Variants in TACC2 observed in about 807,000 individuals in gnomAD.
TACC2 encodes transforming acidic coiled-coil containing protein 2, also known as transforming acidic coiled-coil-containing protein 2.
TACC2 carries 137 observed loss-of-function variants against 227.3 expected under a neutral mutation model. That is an observed-to-expected ratio of 0.60 (90% confidence interval 0.52 to 0.69). The LOEUF (loss-of-function observed/expected upper bound fraction) is 0.69. TACC2 is among the 30% of genes least tolerant of loss of function. The probability of loss-of-function intolerance (pLI) is 0.00; values close to 1 mark genes in which losing one functional copy is unlikely to be tolerated. For synonymous variants in TACC2, 1,523 were observed against 1,487.5 expected, an observed-to-expected ratio of 1.02 and a Z score of -0.55; for missense variants, 3,470 against 3,694.4, an observed-to-expected ratio of 0.94 and a Z score of 1.57.
intron 2 of TACC2, among the ~76,000 whole-genome samples, chr10:122,035,246 G>A (rs907741301): frequency 3.9e-5 from 6 of 152,134 alleles, no homozygotes; most frequent in African/African-American, 1.4e-4. Flanking sequence ...GTTTTTTATT[G>A]GCTTGGTGGA....
At chr10:122,201,691 G>A (rs964513121) in intron 8 of TACC2, among the ~76,000 whole-genome samples, 32 of 152,212 alleles carry the variant, frequency 2.1e-4, no homozygotes, top group African/African-American at 6.3e-4. Flanking sequence ...TGGGATGCTC[G>A]GGGCTCTCAC....
At chr10:122,102,323 C>T (rs2082265254) in intron 5 of TACC2, among the ~76,000 whole-genome samples, 1 of 152,170 alleles carries the variant, frequency 6.6e-6, no homozygotes, top group Non-Finnish European at 1.5e-5. Context: ...GAACAGCTGG[C>T]CTAAGGCCTG....
chr10:122,100,291 G>T (rs544124314), intron 5 of TACC2, among the ~76,000 whole-genome samples: 41 of 151,518 alleles, frequency 2.7e-4, no homozygotes, highest in African/African-American at 9.9e-4. Context: ...AACTCTCTTT[G>T]CATTCTGCAT....
At chr10:122,161,715 T>C (rs1040743607) in intron 7 of TACC2, among the ~76,000 whole-genome samples, 1 of 152,178 alleles carries the variant, frequency 6.6e-6, no homozygotes, top group Non-Finnish European at 1.5e-5. Context: ...GGCAGATGAG[T>C]TCTAATTGTG....
At chr10:122,072,323 G>A (rs1482839599) in intron 3 of TACC2, among the ~76,000 whole-genome samples, 3 of 152,134 alleles carry the variant, frequency 2.0e-5, no homozygotes, top group East Asian at 1.9e-4. Flanking sequence ...CAAGCATCAC[G>A]TACTTGTTTT....
intron 1 of TACC2, among the ~76,000 whole-genome samples, chr10:122,000,360 C>A (rs755450113): frequency 1.4e-4 from 21 of 152,060 alleles, no homozygotes; most frequent in Non-Finnish European, 2.9e-4. Flanking sequence ...GCCTGGGCGA[C>A]AGAATGAGGC....
chr10:122,245,635 G>C (rs2096093969), intron 19 of TACC2, among the ~76,000 whole-genome samples: 1 of 152,116 alleles, frequency 6.6e-6, no homozygotes, highest in Non-Finnish European at 1.5e-5. Context: ...CAGGTTGTTG[G>C]CGATTCTATG....
At position 122,205,899 on chromosome 10, in the gene TACC2, C is replaced by A. The variant is rs2095088613; in HGVS notation, c.5972-4498C>A. The stretch of plus-strand genomic sequence containing the variant: ...TCGTTAGCCTACTTAAAATGGACAC[C>A]TTTTCCCAGAATAAATATTACTAAC... On this transcript the variant is annotated intron_variant, in intron 8 of 22. Transcript: ENST00000369005. This position sits in a 1 kb window ranked among gnomAD's most constrained non-coding sequence, Gnocchi z 4.5. 6.6e-6 allele frequency among the ~76,000 whole-genome samples: 1 copy of A among 152,204 alleles called. No homozygotes were observed. The highest frequency in any genetic ancestry group is 2.4e-5 in the African/African-American group (1 of 41,456).
intron 3 of TACC2, among the ~76,000 whole-genome samples, chr10:122,070,412 C>G (rs540992558): frequency 6.6e-6 from 1 of 152,084 alleles, no homozygotes; most frequent in Non-Finnish European, 1.5e-5. Flanking sequence ...AGTTTGAGAC[C>G]AGCCTGGGAA....
intron 7 of TACC2, among the ~76,000 whole-genome samples, chr10:122,145,948 G>A (rs983339405): frequency 1.3e-5 from 2 of 152,308 alleles, no homozygotes; most frequent in Middle Eastern, 3.4e-3. Context: ...GAGCCATTCA[G>A]CAACATGAAC....
intron 3 of TACC2, among the ~76,000 whole-genome samples, chr10:122,070,300 C>A (rs375997919): frequency 6.6e-6 from 1 of 152,258 alleles, no homozygotes; most frequent in South Asian, 2.1e-4. Flanking sequence ...TTAATTAATG[C>A]TAGGAGTCTT....
intron 19 of TACC2, chr10:122,247,630 C>T (rs1200471985): frequency 6.6e-6 from 1 of 152,252 alleles, no homozygotes; most frequent in Non-Finnish European, 1.5e-5. Context: ...CCATTGTCCT[C>T]AGGGAATTAA....
intron 5 of TACC2, among the ~76,000 whole-genome samples, chr10:122,092,364 A>G (rs2080918705): frequency 6.6e-6 from 1 of 152,176 alleles, no homozygotes; most frequent in Admixed American, 6.5e-5. Context: ...TTTCACCATC[A>G]AAACACTGTT....
intron 7 of TACC2, among the ~76,000 whole-genome samples, chr10:122,192,004 A>C (rs1307402787): frequency 6.6e-6 from 1 of 152,158 alleles, no homozygotes; most frequent in Non-Finnish European, 1.5e-5. Context: ...TGCTCTTAGA[A>C]ATGTATTTGA....
chr10:122,060,584 T>A (rs1337276621), intron 3 of TACC2, among the ~76,000 whole-genome samples: 2 of 152,246 alleles, frequency 1.3e-5, no homozygotes, highest in African/African-American at 4.8e-5. Flanking sequence ...AGGGATGGTC[T>A]TGGCCCATTG....
intron 3 of TACC2, among the ~76,000 whole-genome samples, chr10:122,077,159 A>G (rs532371537): frequency 1.3e-5 from 2 of 152,084 alleles, no homozygotes; most frequent in South Asian, 4.2e-4. Context: ...TTCTAGTGAA[A>G]CAACCACGAT....
At chr10:122,222,223 G>T (rs1292686700) in intron 11 of TACC2, among the ~76,000 whole-genome samples, 1 of 152,194 alleles carries the variant, frequency 6.6e-6, no homozygotes, top group Non-Finnish European at 1.5e-5. Flanking sequence ...GCCCTTTGAG[G>T]CTTAGGATTT....
intron 3 of TACC2, among the ~76,000 whole-genome samples, chr10:122,074,270 G>A (rs1294548734): frequency 3.3e-5 from 5 of 151,340 alleles, no homozygotes; most frequent in East Asian, 1.9e-4. Context: ...TAGTAGAGAC[G>A]GAGTTTTACC....
intron 7 of TACC2, chr10:122,163,532 A>G (rs1392061312): frequency 2.0e-6 from 2 of 978,970 alleles, no homozygotes; most frequent in East Asian, 1.1e-4. Context: ...GTGAAGATGC[A>G]GGCGTTGGGG....
Sources: gnomAD v4.1 joint callset for allele counts (sites outside exome capture counted in the v4.1 genomes callset) on GRCh38, gnomAD v4.1.1 for gene constraint, Gnocchi (gnomAD v3.1) non-coding constraint, MANE v1.5 for transcripts, NCBI Gene and HGNC (gene_info 2026-07-23, HGNC 2026-07-21) for gene names.